ZFPM1: variants seen among roughly 807,000 people sequenced by gnomAD.
The protein encoded by ZFPM1 is zinc finger protein, FOG family member 1.
Under a neutral mutation model 46.3 loss-of-function variants are expected in ZFPM1, and 28 were observed. That is an observed-to-expected ratio of 0.60 (90% CI 0.45 to 0.83). The LOEUF is 0.83. Ranked by LOEUF, ZFPM1 falls within the 40% of genes least tolerant of loss-of-function variation. The pLI is 0.00. For missense variants in ZFPM1, 1,878 were observed against 1,432.4 expected (o/e 1.31, Z -5.02); for synonymous variants, 957 against 675.9 (o/e 1.42, Z -6.45).
At chr16:88,455,294 G>A (rs940349530) in intron 1 of ZFPM1, among the ~76,000 whole-genome samples, 1 of 152,280 alleles carries the variant, frequency 6.6e-6, no homozygotes, top group Non-Finnish European at 1.5e-5. Flanking sequence ...GCCCAGCGGG[G>A]CGGGCAGAGC....
intron 1 of ZFPM1, among the ~76,000 whole-genome samples, chr16:88,467,207 C>T (rs936928783): frequency 6.6e-6 from 1 of 152,200 alleles, no homozygotes; most frequent in Non-Finnish European, 1.5e-5. Context: ...GAGTCTACCC[C>T]TTGTCAGTCC....
chr16:88,453,860 C>T (rs1306317833), intron 1 of ZFPM1, among the ~76,000 whole-genome samples, 182 bp downstream of exon 1: 2 of 151,770 alleles, frequency 1.3e-5, no homozygotes, highest in Admixed American at 1.3e-4. Flanking sequence ...CCTGGGCCCC[C>T]GCGTCTCGGC....
At chr16:88,529,447 T>C (rs553532516) in intron 6 of ZFPM1, among the ~76,000 whole-genome samples, 4 of 151,378 alleles carry the variant, frequency 2.6e-5, no homozygotes, top group East Asian at 3.9e-4. Flanking sequence ...GGGCCAAGTG[T>C]GCAGCCACTG....
rs1913134631 is a variant in ZFPM1 at position 88,534,622 on chromosome 16, G to A, written c.2664G>A (p.Pro888=). Residue 888 remains proline (P), a synonymous_variant, in exon 10 of 10, where the codon CCG becomes CCA. Coordinates refer to ENST00000319555, the MANE Select transcript of ZFPM1 (RefSeq NM_153813.3). ...TGCTCGGCGCGCCCCTGGCCGGCCC[G>A]GGGGTCGAGGCCCGGACGCCGGCCG... The part of the protein sequence containing the change: ...GLLLGAPLAG[P]GVEARTPADR... 1.8e-6 allele frequency: 2 copies of A among 1,118,704 alleles called. No homozygotes were observed. Among genetic ancestry groups the A allele is most frequent in the East Asian group, 4.8e-5 (1 of 20,902 alleles). The allele number at this position is 1,118,704 out of a possible 1,614,324, so 69.3% of individuals were successfully genotyped here. A position where few individuals can be genotyped will look rare whatever the true frequency, so the allele number is the denominator to read the frequency against.
chr16:88,476,972 C>T (rs1241008179), intron 1 of ZFPM1, among the ~76,000 whole-genome samples: 1 of 152,270 alleles, frequency 6.6e-6, no homozygotes, highest in Admixed American at 6.5e-5. Flanking sequence ...AGTGTGATAG[C>T]GATGGAGAGA....
intron 3 of ZFPM1, among the ~76,000 whole-genome samples, chr16:88,492,604 G>GGA (rs912564775): frequency 6.6e-6 from 1 of 152,240 alleles, no homozygotes; most frequent in Non-Finnish European, 1.5e-5. Flanking sequence ...AGGTATCCTG[G>GGA]GAAACCCCCC....
At chr16:88,520,669 G>A (rs1459569569) in intron 4 of ZFPM1, among the ~76,000 whole-genome samples, 1 of 125,836 alleles carries the variant, frequency 7.9e-6, no homozygotes, top group Non-Finnish European at 1.7e-5. Context: ...GGGAGGGTGG[G>A]TGGATGGGTG....
intron 4 of ZFPM1, among the ~76,000 whole-genome samples, chr16:88,520,886 AGGGAGGGAGTGTGGGTGGAT>A (rs1287218937): frequency 6.9e-5 from 1 of 14,574 alleles, no homozygotes; most frequent in Non-Finnish European, 1.3e-4. Context: ...GATGGGAGGG[AGGGAGGGAGTGTGGGTGGAT>A]GGATGGATGG....
At chr16:88,525,692 A>C (rs1249835492) in intron 4 of ZFPM1, among the ~76,000 whole-genome samples, 1 of 152,036 alleles carries the variant, frequency 6.6e-6, no homozygotes, top group African/African-American at 2.4e-5. Context: ...AGCGGCGGTC[A>C]CCCCTTCCTC....
intron 4 of ZFPM1, among the ~76,000 whole-genome samples, chr16:88,515,543 C>A (rs1369157996): frequency 6.6e-6 from 1 of 152,238 alleles, no homozygotes; most frequent in Non-Finnish European, 1.5e-5. Flanking sequence ...ATCTGTGGTG[C>A]AGGGAAGCCC....
intron 3 of ZFPM1, among the ~76,000 whole-genome samples, chr16:88,494,868 C>T (rs1024223194): frequency 1.3e-5 from 2 of 152,174 alleles, no homozygotes; most frequent in South Asian, 4.1e-4. Context: ...ACTCCCTCCT[C>T]CTCCCTGGAG....
Position 88,526,811 on chromosome 16 carries a change from CAG to C in ZFPM1, c.403_404del. On this transcript the variant is annotated splice_acceptor_variant, in intron 4 of 9. Coordinates refer to ENST00000319555, the MANE Select transcript of ZFPM1 (RefSeq NM_153813.3). LOFTEE classifies it high-confidence loss of function. ...CCCACGTGTTCCTACCCTCCCCCCC[CAG>C]AGCCCAGCCCTGACCCTGCTGCTGG... is the stretch of plus-strand genomic sequence containing the variant. 2 of 1,535,620 alleles carry C rather than the reference CAG, an allele frequency of 1.3e-6. No individual in the cohort carries two copies. Among genetic ancestry groups the C allele is most frequent in the Non-Finnish European group, 1.8e-6 (2 of 1,137,638 alleles).
At chr16:88,524,351 C>G (rs923495307) in intron 4 of ZFPM1, among the ~76,000 whole-genome samples, 20 of 152,194 alleles carry the variant, frequency 1.3e-4, no homozygotes, top group African/African-American at 2.4e-4. Context: ...GTTTACCCCC[C>G]AGCCTGCCCC....
intron 1 of ZFPM1, among the ~76,000 whole-genome samples, chr16:88,476,897 G>C (rs1202403889): frequency 6.6e-6 from 1 of 152,252 alleles, no homozygotes; most frequent in Non-Finnish European, 1.5e-5. Context: ...TCCCACTTCT[G>C]GCCCGGGACC....
chr16:88,488,957 C>T, intron 2 of ZFPM1, 74 bp from the exon 3 acceptor site: 1 of 1,543,264 alleles, frequency 6.5e-7, no homozygotes. Context: ...CCTCAGCATC[C>T]TTCCCAGCTA....
chr16:88,504,093 C>G (rs1910523300), intron 3 of ZFPM1, among the ~76,000 whole-genome samples: 1 of 151,754 alleles, frequency 6.6e-6, no homozygotes, highest in East Asian at 1.9e-4. Context: ...TGGGCCCTCA[C>G]TCACCCTCTC....
intron 2 of ZFPM1, among the ~76,000 whole-genome samples, chr16:88,487,032 C>T (rs969605986): frequency 7.2e-5 from 11 of 152,198 alleles, no homozygotes; most frequent in Admixed American, 3.3e-4. Flanking sequence ...ATTCCCTGGG[C>T]CCTCCTGGTG....
intron 1 of ZFPM1, among the ~76,000 whole-genome samples, chr16:88,477,237 G>C (rs1449114126): frequency 6.6e-6 from 1 of 152,262 alleles, no homozygotes; most frequent in East Asian, 1.9e-4. Flanking sequence ...GGGCGTGTGG[G>C]CTTTGGCCTG....
At chr16:88,472,272 G>A (rs1908461085) in intron 1 of ZFPM1, among the ~76,000 whole-genome samples, 1 of 152,184 alleles carries the variant, frequency 6.6e-6, no homozygotes, top group South Asian at 2.1e-4. Context: ...TCGGTCCCAG[G>A]AGAAAGGGAA....
Sources: allele counts gnomAD v4.1 joint callset (sites outside exome capture counted in the v4.1 genomes callset), GRCh38; gene constraint gnomAD v4.1.1; transcripts MANE v1.5; gene names NCBI Gene and HGNC (gene_info 2026-07-23, HGNC 2026-07-21).